The following CADPS variants were observed in gnomAD, a reference collection of about 807,000 sequenced individuals.
CADPS encodes calcium dependent secretion activator.
A neutral mutation model predicts 167.3 loss-of-function variants in CADPS; 57 were observed. The ratio of observed to expected loss-of-function variants is 0.34; its 90% CI spans 0.28 to 0.42. CADPS has a LOEUF of 0.42. CADPS is among the 20% of genes least tolerant of loss of function. CADPS has a pLI of 1.00. For missense variants in CADPS, 1,414 were observed against 1,738.1 expected (o/e 0.81, Z 3.32); for synonymous variants, 676 against 635.3 (o/e 1.06, Z -0.96).
intron 8 of CADPS, among the ~76,000 whole-genome samples, chr3:62,574,672 G>C (rs549769686): frequency 6.6e-6 from 1 of 152,322 alleles, no homozygotes; most frequent in South Asian, 2.1e-4. Context: ...ACAGTTAAGA[G>C]TATAATCTTC....
At chr3:62,853,724 C>T (rs967203928) in intron 1 of CADPS, among the ~76,000 whole-genome samples, 2 of 151,754 alleles carry the variant, frequency 1.3e-5, no homozygotes, top group East Asian at 1.9e-4. Context: ...CCTTTGGGAG[C>T]CTGAGGCAGG....
At chr3:62,523,767 G>T (rs2071337680) in intron 13 of CADPS, among the ~76,000 whole-genome samples, 2 of 152,172 alleles carry the variant, frequency 1.3e-5, no homozygotes, top group Non-Finnish European at 2.9e-5. Context: ...TACCAACAAG[G>T]GGTAAAACTC....
intron 28 of CADPS, among the ~76,000 whole-genome samples, chr3:62,411,830 G>A (rs930715657): frequency 3.9e-5 from 6 of 152,192 alleles, no homozygotes; most frequent in Non-Finnish European, 8.8e-5. Context: ...AGCTTCCCAA[G>A]GGCTGAACAA....
intron 3 of CADPS, among the ~76,000 whole-genome samples, chr3:62,750,257 A>T (rs2082391613): frequency 6.9e-6 from 1 of 144,774 alleles, no homozygotes; most frequent in South Asian, 2.3e-4. Flanking sequence ...AGGCTGAGGC[A>T]TGAGAATTGC....
chr3:62,703,584 G>A (rs1264543860), intron 3 of CADPS, among the ~76,000 whole-genome samples: 2 of 152,092 alleles, frequency 1.3e-5, no homozygotes, highest in Admixed American at 6.5e-5. Flanking sequence ...TTAGTGGCAA[G>A]TTGAAGAGAA....
At chr3:62,647,998 C>T (rs528226067) in intron 5 of CADPS, among the ~76,000 whole-genome samples, 7 of 152,294 alleles carry the variant, frequency 4.6e-5, no homozygotes, top group African/African-American at 1.4e-4. Context: ...ACCTTCCTTC[C>T]CTCACTGCAA....
chr3:62,706,143 C>T (rs2082271929), intron 3 of CADPS, among the ~76,000 whole-genome samples: 1 of 152,034 alleles, frequency 6.6e-6, no homozygotes, highest in African/African-American at 2.4e-5. Flanking sequence ...GGTAGGCATT[C>T]CTTTTGCTTG....
rs2086680259 is a variant in CADPS, at chr3:62,765,765, T to C, written c.555+106A>G. On this transcript the variant is annotated intron_variant, in intron 2 of 29. Coordinates refer to ENST00000383710, the MANE Select transcript of CADPS (RefSeq NM_003716.4). ...ACCAACCCATTTGCCTTAGGAAGGA[T>C]GATACTGTAGTAAACCAAAACGACT... 3.9e-5 allele frequency: 24 copies of C among 616,452 alleles called. No homozygotes were observed. The East Asian group carries it at 6.4e-4, about 16-fold the overall frequency. The allele number at this position is 616,452 out of a possible 1,614,324, so 38.2% of individuals were successfully genotyped here. A position where few individuals can be genotyped will look rare whatever the true frequency, so the allele number is the denominator to read the frequency against.
At chr3:62,779,314 G>T (rs17067183) in intron 1 of CADPS, 1 of 391,602 alleles carries the variant, frequency 2.6e-6, no homozygotes, top group Admixed American at 3.3e-5. Flanking sequence ...CTTCTTTCCC[G>T]CAGTGGTCAT....
intron 3 of CADPS, among the ~76,000 whole-genome samples, chr3:62,701,606 T>TAAAAAAAAAA (rs5849494): frequency 7.7e-6 from 1 of 130,094 alleles, no homozygotes. Context: ...AGACTCAGTC[T>TAAAAAAAAAA]AAAAAAAAAA....
intron 8 of CADPS, among the ~76,000 whole-genome samples, chr3:62,580,743 A>C (rs2083272704): frequency 2.0e-5 from 3 of 152,204 alleles, no homozygotes; most frequent in Admixed American, 2.0e-4. Flanking sequence ...TAAGGGTAAG[A>C]GAATGTGTGC....
At chr3:62,491,144 C>T (rs1490193501) in intron 21 of CADPS, among the ~76,000 whole-genome samples, 195 bp downstream of exon 21, 2 of 152,190 alleles carry the variant, frequency 1.3e-5, no homozygotes, top group Non-Finnish European at 2.9e-5. Context: ...TTCCCCTACC[C>T]TACCCACCTC....
Position 62,782,966 on chromosome 3 carries a change from G to A in CADPS, c.442-16982C>T, listed in dbSNP as rs574205025. Among the ~76,000 whole-genome samples, 6 of 152,092 alleles carry A rather than the reference G, an allele frequency of 3.9e-5. No individual in the cohort carries two copies. In the South Asian group the frequency reaches 6.2e-4, roughly 16 times the overall value. Reference sequence around the variant, plus strand: ...GTAGAGATGGGGTTTTGCCATGTTGGCCAGGCTGGTCTCAAACTCCTGACC... The same window carrying A: ...GTAGAGATGGGGTTTTGCCATGTTGACCAGGCTGGTCTCAAACTCCTGACC... On this transcript the variant is annotated intron_variant, in intron 1 of 29. Transcript: ENST00000383710.
chr3:62,724,330 C>T (rs1424107992), intron 3 of CADPS, among the ~76,000 whole-genome samples: 1 of 152,162 alleles, frequency 6.6e-6, no homozygotes, highest in Non-Finnish European at 1.5e-5. Context: ...AACTCATCAG[C>T]TCTCACCTGA....
rs2081272160 is a variant in CADPS, at chr3:62,745,536, C to G, written c.888+7905G>C. Among the ~76,000 whole-genome samples, 3 of 152,172 alleles carry G rather than the reference C, an allele frequency of 2.0e-5. No individual in the cohort carries two copies. The South Asian group carries it at 6.2e-4, about 32-fold the overall frequency. On this transcript the variant is annotated intron_variant, in intron 3 of 29. Transcript: ENST00000383710. ...TGGTTAATTTCTGTCCCTCTTTGATCAACCTTGTCTTGGAACAGACAGATT... is the reference window on the plus strand; with the variant it reads ...TGGTTAATTTCTGTCCCTCTTTGATGAACCTTGTCTTGGAACAGACAGATT...
At chr3:62,761,312 T>C (rs1286070365) in intron 2 of CADPS, among the ~76,000 whole-genome samples, 1 of 151,964 alleles carries the variant, frequency 6.6e-6, no homozygotes, top group Non-Finnish European at 1.5e-5. Flanking sequence ...GTCTGTCTGT[T>C]GCAACATTCA....
In CADPS at chr3:62,420,763, C is replaced by T. The variant is rs1195249624; in HGVS notation, c.3777+17341G>A. The stretch of plus-strand genomic sequence containing the variant: ...GTTCTGCCTCCAATGGCGCCCTTTC[C>T]TCTTGCTTTATTTTTACTCTCAGGA... On this transcript the variant is annotated intron_variant, in intron 28 of 29. Transcript: ENST00000383710. This position sits in a 1 kb window ranked among gnomAD's most constrained non-coding sequence, Gnocchi z 4.1. Among the ~76,000 whole-genome samples, 1 of 152,038 alleles carries T rather than the reference C, an allele frequency of 6.6e-6. No individual in the cohort carries two copies. Among genetic ancestry groups the T allele is most frequent in the Non-Finnish European group, 1.5e-5 (1 of 68,012 alleles).
chr3:62,834,207 A>G (rs1181073184), intron 1 of CADPS, among the ~76,000 whole-genome samples: 4 of 152,126 alleles, frequency 2.6e-5, no homozygotes, highest in African/African-American at 9.7e-5. Flanking sequence ...TCTTCTAGAC[A>G]TGCCAGTTGA....
intron 9 of CADPS, among the ~76,000 whole-genome samples, chr3:62,566,347 T>C (rs1258056556): frequency 1.3e-5 from 2 of 152,202 alleles, no homozygotes; most frequent in East Asian, 3.9e-4. Flanking sequence ...TGAAAATCGT[T>C]TGTACATATG....
Sources: allele counts gnomAD v4.1 joint callset (sites outside exome capture counted in the v4.1 genomes callset), GRCh38; gene constraint gnomAD v4.1.1; non-coding constraint Gnocchi (gnomAD v3.1); transcripts MANE v1.5; gene names NCBI Gene and HGNC (gene_info 2026-07-23, HGNC 2026-07-21).